Variants in CPEB3 observed in about 807,000 individuals in gnomAD.
CPEB3 encodes the protein cytoplasmic polyadenylation element binding protein 3, also known as cytoplasmic polyadenylation element-binding protein 3.
A neutral mutation model predicts 67.2 loss-of-function variants in CPEB3; 20 were observed. The ratio of observed to expected loss-of-function variants is 0.30; its 90% CI spans 0.21 to 0.43. The LOEUF is 0.43. Among genes scored for constraint, CPEB3 ranks in the 20% least tolerant of loss-of-function variants. CPEB3 has a pLI of 1.00. For missense variants in CPEB3, 746 were observed against 968.6 expected (o/e 0.77, Z 3.05); for synonymous variants, 376 against 393.1 (o/e 0.96, Z 0.51).
chr10:92,100,956 C>T (rs376050283), intron 7 of CPEB3, among the ~76,000 whole-genome samples: 19 of 152,294 alleles, frequency 1.2e-4, no homozygotes, highest in African/African-American at 4.6e-4. Context: ...ATCCCTACAG[C>T]TAGAGTTCTC....
intron 3 of CPEB3, among the ~76,000 whole-genome samples, chr10:92,181,877 A>C (rs1252406523): frequency 6.6e-6 from 1 of 152,252 alleles, no homozygotes; most frequent in Non-Finnish European, 1.5e-5. Flanking sequence ...CAGATGCTTC[A>C]ACTAATGGCC....
At chr10:92,140,213 AC>A (rs1289449663) in intron 6 of CPEB3, among the ~76,000 whole-genome samples, 2 of 152,172 alleles carry the variant, frequency 1.3e-5, no homozygotes, top group Non-Finnish European at 2.9e-5. Context: ...GAGGCATCAC[AC>A]TACCTGACTT....
intron 3 of CPEB3, among the ~76,000 whole-genome samples, chr10:92,181,908 A>C (rs1425787572): frequency 1.3e-5 from 2 of 152,230 alleles, no homozygotes; most frequent in African/African-American, 4.8e-5. Flanking sequence ...AGAATGGAAG[A>C]TGCAGACATT....
At chr10:92,063,834 G>C (rs1211955355) in intron 9 of CPEB3, among the ~76,000 whole-genome samples, 4 of 151,710 alleles carry the variant, frequency 2.6e-5, no homozygotes, top group Non-Finnish European at 2.9e-5. Flanking sequence ...GTGACTAGAA[G>C]GCAAGTAGAA....
intron 8 of CPEB3, among the ~76,000 whole-genome samples, chr10:92,090,791 G>C (rs1478211251): frequency 6.6e-6 from 1 of 152,112 alleles, no homozygotes; most frequent in Non-Finnish European, 1.5e-5. Flanking sequence ...GTTTGAATTA[G>C]CCCTTCTTAG....
intron 2 of CPEB3, among the ~76,000 whole-genome samples, chr10:92,215,061 T>C (rs749685975): frequency 3.9e-5 from 6 of 152,052 alleles, no homozygotes; most frequent in Non-Finnish European, 8.8e-5. Flanking sequence ...TTGGCCAGGC[T>C]AGTCTCAAAC....
At chr10:92,060,605 A>G (rs1020302400) in intron 9 of CPEB3, among the ~76,000 whole-genome samples, 1 of 152,226 alleles carries the variant, frequency 6.6e-6, no homozygotes, top group African/African-American at 2.4e-5. Flanking sequence ...AATATTTGCA[A>G]ACTACCCATC....
At chr10:92,088,843 A>T (rs1001945271) in intron 8 of CPEB3, among the ~76,000 whole-genome samples, 2 of 152,234 alleles carry the variant, frequency 1.3e-5, no homozygotes, top group East Asian at 3.9e-4. Flanking sequence ...CCAAAATTCC[A>T]TAACTAGAAT....
chr10:92,058,497 T>C (rs1842198234), intron 9 of CPEB3, among the ~76,000 whole-genome samples: 1 of 151,844 alleles, frequency 6.6e-6, no homozygotes, highest in Admixed American at 6.6e-5. Flanking sequence ...TGCAGTGAGC[T>C]GAGATCGTGC....
chr10:92,148,403 TCTCAGCTGAAAAGTCTTC>T (rs1183523127), intron 4 of CPEB3, among the ~76,000 whole-genome samples: 1 of 152,186 alleles, frequency 6.6e-6, no homozygotes, highest in African/African-American at 2.4e-5. Flanking sequence ...ATTCTTCAGG[TCTCAGCTGAAAAGTCTTC>T]CTCAGGTTGA....
intron 4 of CPEB3, among the ~76,000 whole-genome samples, chr10:92,177,212 C>T (rs1408007275): frequency 1.3e-5 from 2 of 152,114 alleles, no homozygotes; most frequent in South Asian, 2.1e-4. Context: ...ATTATGCAAA[C>T]GTCGAGTGTT....
chr10:92,207,197 G>C (rs1282274357), intron 2 of CPEB3, among the ~76,000 whole-genome samples: 1 of 152,028 alleles, frequency 6.6e-6, no homozygotes, highest in East Asian at 1.9e-4. Context: ...TGCTCAGGCT[G>C]GTCTAAATCT....
At chr10:92,062,622 T>C (rs1842398021) in intron 9 of CPEB3, among the ~76,000 whole-genome samples, 1 of 152,234 alleles carries the variant, frequency 6.6e-6, no homozygotes, top group Non-Finnish European at 1.5e-5. Flanking sequence ...TTTGTGGTTT[T>C]TGCCATATCC....
At chr10:92,206,140 C>T (rs1175644600) in intron 2 of CPEB3, among the ~76,000 whole-genome samples, 1 of 150,274 alleles carries the variant, frequency 6.7e-6, no homozygotes, top group African/African-American at 2.5e-5. Context: ...GGCGCAATCT[C>T]GGCTCACCAT....
At chr10:92,285,592 T>C (rs1052308197) in intron 1 of CPEB3, among the ~76,000 whole-genome samples, 13 of 152,154 alleles carry the variant, frequency 8.5e-5, no homozygotes, top group African/African-American at 2.9e-4. Flanking sequence ...TTCTAACATA[T>C]GAACATTGGG....
At chr10:92,175,999 G>A (rs1006967094) in intron 4 of CPEB3, among the ~76,000 whole-genome samples, 7 of 152,196 alleles carry the variant, frequency 4.6e-5, no homozygotes, top group Admixed American at 3.9e-4. Context: ...GCAGATTCAG[G>A]AGAATCGCTT....
intron 7 of CPEB3, among the ~76,000 whole-genome samples, chr10:92,097,113 A>G (rs1194881732): frequency 1.3e-5 from 2 of 152,230 alleles, no homozygotes; most frequent in East Asian, 1.9e-4. Context: ...AGGCAGTAAC[A>G]CACTGGAGTA....
intron 7 of CPEB3, among the ~76,000 whole-genome samples, chr10:92,109,573 G>T (rs1383508218): frequency 1.3e-5 from 2 of 152,046 alleles, no homozygotes; most frequent in African/African-American, 4.8e-5. Flanking sequence ...TTTTGTGTGT[G>T]TGGAGGGGGA....
At chr10:92,146,919 G>C (rs910261432) in intron 4 of CPEB3, among the ~76,000 whole-genome samples, 1 of 152,132 alleles carries the variant, frequency 6.6e-6, no homozygotes, top group Non-Finnish European at 1.5e-5. Flanking sequence ...GAGCTGACAG[G>C]TTTGCTTTAT....
Sources: allele counts gnomAD v4.1 joint callset (sites outside exome capture counted in the v4.1 genomes callset), GRCh38; gene constraint gnomAD v4.1.1; transcripts MANE v1.5; gene names NCBI Gene and HGNC (gene_info 2026-07-23, HGNC 2026-07-21).